The following PTPDC1 variants were observed in gnomAD, a reference collection of about 807,000 sequenced individuals.
PTPDC1 encodes protein tyrosine phosphatase domain containing 1.
PTPDC1 carries 53 observed loss-of-function variants against 75.3 expected under a neutral mutation model. The ratio of observed to expected loss-of-function variants is 0.70; its 90% CI spans 0.56 to 0.88. PTPDC1 has a LOEUF of 0.88. PTPDC1 is among the 40% of genes least tolerant of loss of function. The probability of loss-of-function intolerance (pLI) is 0.00; values close to 1 mark genes in which losing one functional copy is unlikely to be tolerated. For synonymous variants in PTPDC1, 349 were observed against 366.2 expected (o/e 0.95, Z 0.54); for missense variants, 925 against 998.6 (o/e 0.93, Z 0.99).
rs570295828 is a variant in PTPDC1 at position 94,043,622 on chromosome 9, G to A, written c.-7+12495G>A. On this transcript the variant is annotated intron_variant, in intron 1 of 9. Coordinates refer to the PTPDC1 transcript ENST00000375360. Reference sequence around the variant, plus strand: ...TGTAGTCCCAGCTACTTAGGAGGCTGAGGTGGGAAAAACACCTGAGCCCAC... The same window carrying A: ...TGTAGTCCCAGCTACTTAGGAGGCTAAGGTGGGAAAAACACCTGAGCCCAC... Among the ~76,000 whole-genome samples the A allele has an allele frequency of 9.9e-5, 15 of 152,268 alleles. No individual in the cohort carries two copies. In the South Asian group the frequency reaches 3.1e-3, roughly 32 times the overall value.
intron 4 of PTPDC1, among the ~76,000 whole-genome samples, chr9:94,088,733 C>T (rs769807443): frequency 1.3e-5 from 2 of 152,178 alleles, no homozygotes; most frequent in African/African-American, 2.4e-5. Context: ...CTACTTCTAA[C>T]AATTTCAAAG....
chr9:94,096,205 C>G (rs1332444610), intron 5 of PTPDC1, among the ~76,000 whole-genome samples: 1 of 152,218 alleles, frequency 6.6e-6, no homozygotes, highest in East Asian at 1.9e-4. Flanking sequence ...GCTCTGTCCG[C>G]AGTGTACCTG....
At chr9:94,107,067 C>T (rs1407736196) in intron 8 of PTPDC1, among the ~76,000 whole-genome samples, 1 of 152,192 alleles carries the variant, frequency 6.6e-6, no homozygotes, top group African/African-American at 2.4e-5. Context: ...AATCCTCCCA[C>T]CTCAGCCTCC....
At chr9:94,104,417 A>G in intron 8 of PTPDC1, 32 bp downstream of exon 8, 5 of 1,381,090 alleles carry the variant, frequency 3.6e-6, no homozygotes, top group Non-Finnish European at 5.1e-6. Context: ...CCCTCTCTGA[A>G]CCACAGATCA....
chr9:94,103,371 G>C (rs1353822992), intron 7 of PTPDC1, among the ~76,000 whole-genome samples: 1 of 152,170 alleles, frequency 6.6e-6, no homozygotes, highest in Non-Finnish European at 1.5e-5. Context: ...TCACAGACAA[G>C]GAAAGCTGAG....
At chr9:94,067,397 A>AT (rs759158678) in intron 2 of PTPDC1, among the ~76,000 whole-genome samples, 1,517 of 104,984 alleles carry the variant, frequency 0.014, 19 homozygotes, top group African/African-American at 0.04. Flanking sequence ...CTCAAAAAAA[A>AT]AAAATAATAA....
At chr9:94,053,254 A>C (rs1343166805) in intron 1 of PTPDC1, among the ~76,000 whole-genome samples, 1 of 151,736 alleles carries the variant, frequency 6.6e-6, no homozygotes, top group African/African-American at 2.4e-5. Flanking sequence ...GGTGGCTGTC[A>C]CTCCTTTCCC....
rs1444499566 is a variant in PTPDC1 at position 94,108,411 on chromosome 9, T to C, written c.*467T>C. The C allele has an allele frequency of 6.5e-6, 1 of 152,714 alleles. No homozygotes were observed. The highest frequency in any genetic ancestry group is 1.9e-4 in the East Asian group (1 of 5,202). 9.5% of individuals were successfully genotyped at this position (152,714 alleles called of 1,614,324 possible). A position where few individuals can be genotyped will look rare whatever the true frequency, so the allele number is the denominator to read the frequency against. On this transcript the variant is annotated 3_prime_UTR_variant, in exon 9 of 9. Transcript: ENST00000620992. The stretch of plus-strand genomic sequence containing the variant: ...AAGTCACCAAGTGTCTTAAGCTGTT[T>C]TATATTTGTTACGAAGAAGGCTATT...
intron 2 of PTPDC1, among the ~76,000 whole-genome samples, chr9:94,073,422 G>A (rs1173780639): frequency 6.6e-6 from 1 of 151,944 alleles, no homozygotes; most frequent in Non-Finnish European, 1.5e-5. Context: ...ATTTTTGTCA[G>A]TCTTGCCAGA....
intron 1 of PTPDC1, among the ~76,000 whole-genome samples, chr9:94,054,687 A>G (rs1284886429): frequency 6.8e-6 from 1 of 147,524 alleles, no homozygotes; most frequent in Non-Finnish European, 1.5e-5. Context: ...ATTGATTTGG[A>G]CCGAGTTTCT....
chr9:94,061,602 C>T (rs965368693), intron 1 of PTPDC1, among the ~76,000 whole-genome samples: 2 of 152,246 alleles, frequency 1.3e-5, no homozygotes, highest in African/African-American at 4.8e-5. Flanking sequence ...TCCCAAGCTT[C>T]AGCTCTTGCA....
chr9:94,047,696 G>A (rs1825653861), intron 1 of PTPDC1, among the ~76,000 whole-genome samples: 1 of 152,034 alleles, frequency 6.6e-6, no homozygotes, highest in Admixed American at 6.5e-5. Flanking sequence ...AGAAAAGAGA[G>A]AAGAATCAAA....
chr9:94,054,436 A>C (rs1232349541), intron 1 of PTPDC1, among the ~76,000 whole-genome samples: 2 of 152,196 alleles, frequency 1.3e-5, no homozygotes, highest in Non-Finnish European at 2.9e-5. Context: ...AAATGTGCCT[A>C]AGATCACAAA....
chr9:94,101,843 C>G, intron 7 of PTPDC1, 92 bp downstream of exon 7: 1 of 698,924 alleles, frequency 1.4e-6, no homozygotes, highest in Non-Finnish European at 2.3e-6. Context: ...AAAGAGAATT[C>G]ACACAGAATC....
chr9:94,089,296 T>C (rs1379576427), intron 4 of PTPDC1, among the ~76,000 whole-genome samples: 1 of 149,396 alleles, frequency 6.7e-6, no homozygotes, highest in Non-Finnish European at 1.5e-5. Context: ...AATCTCATTG[T>C]TCAATTCCCA....
At chr9:94,089,735 C>A in intron 4 of PTPDC1, among the ~76,000 whole-genome samples, 1 of 65,670 alleles carries the variant, frequency 1.5e-5, no homozygotes, top group African/African-American at 7.2e-5. Flanking sequence ...TCCTCTCCAG[C>A]ACCTGTTGTT....
chr9:94,074,160 T>C (rs563582576), intron 2 of PTPDC1, among the ~76,000 whole-genome samples: 1 of 152,342 alleles, frequency 6.6e-6, no homozygotes, highest in South Asian at 2.1e-4. Context: ...CTTTCTCGCT[T>C]GTCAGGCAGT....
chr9:94,032,265 A>T (rs771079363), intron 1 of PTPDC1, among the ~76,000 whole-genome samples: 6 of 152,018 alleles, frequency 3.9e-5, no homozygotes, highest in African/African-American at 1.5e-4. Flanking sequence ...CTCAGCTCCC[A>T]CTCCAGAAAT....
chr9:94,034,659 T>C (rs1825206508), intron 1 of PTPDC1, among the ~76,000 whole-genome samples: 1 of 152,240 alleles, frequency 6.6e-6, no homozygotes, highest in Non-Finnish European at 1.5e-5. Context: ...ATTTCTTCCA[T>C]TAAAGTATCA....
Sources: gnomAD v4.1 joint callset for allele counts (sites outside exome capture counted in the v4.1 genomes callset) on GRCh38, gnomAD v4.1.1 for gene constraint, MANE v1.5 for transcripts, NCBI Gene and HGNC (gene_info 2026-07-23, HGNC 2026-07-21) for gene names.